Variants in KCND2 observed in about 807,000 individuals in gnomAD.
The protein encoded by KCND2 is A-type voltage-gated potassium channel KCND2.
Under a neutral mutation model 54.4 loss-of-function variants are expected in KCND2, and 16 were observed. The ratio of observed to expected loss-of-function variants is 0.29; its 90% CI spans 0.20 to 0.45. The LOEUF is 0.45. KCND2 is among the 20% of genes least tolerant of loss of function. The pLI is 1.00. For synonymous variants in KCND2, 317 were observed against 310.7 expected (o/e 1.02, Z -0.21); for missense variants, 486 against 824.2 (o/e 0.59, Z 5.02).
intron 1 of KCND2, among the ~76,000 whole-genome samples, chr7:120,688,278 GTC>G (rs1419181018): frequency 6.6e-6 from 1 of 152,110 alleles, no homozygotes; most frequent in African/African-American, 2.4e-5. Flanking sequence ...AAGCCACACT[GTC>G]TCTGTCAAAA....
intron 1 of KCND2, among the ~76,000 whole-genome samples, chr7:120,652,072 CT>C (rs1383699096): frequency 2.0e-5 from 3 of 147,190 alleles, no homozygotes; most frequent in African/African-American, 7.7e-5. Flanking sequence ...CTATCTCTAT[CT>C]TTTTTTTTCC....
intron 1 of KCND2, among the ~76,000 whole-genome samples, chr7:120,678,344 TA>T (rs1380972957): frequency 0.052 from 681 of 13,208 alleles, 26 homozygotes; most frequent in Admixed American, 0.36. Context: ...TATGATTATT[TA>T]TATATATATA....
intron 1 of KCND2, among the ~76,000 whole-genome samples, chr7:120,377,866 T>G (rs1180755274): frequency 5.3e-5 from 8 of 151,954 alleles, no homozygotes; most frequent in African/African-American, 1.9e-4. Flanking sequence ...TACATTGTCC[T>G]CAGCAATGCC....
At chr7:120,458,783 A>G (rs1183617858) in intron 1 of KCND2, among the ~76,000 whole-genome samples, 1 of 151,894 alleles carries the variant, frequency 6.6e-6, no homozygotes, top group Non-Finnish European at 1.5e-5. Context: ...CATATATCAT[A>G]TCTAATCCCC....
intron 1 of KCND2, among the ~76,000 whole-genome samples, chr7:120,504,045 AG>A (rs1802977865): frequency 2.0e-5 from 3 of 151,998 alleles, no homozygotes; most frequent in Admixed American, 2.0e-4. Context: ...AAATAATGAA[AG>A]AGATTTGTTA....
intron 1 of KCND2, among the ~76,000 whole-genome samples, chr7:120,359,145 T>C (rs969280143): frequency 4.6e-5 from 7 of 152,198 alleles, no homozygotes; most frequent in African/African-American, 7.2e-5. Flanking sequence ...TGTTCAGTGC[T>C]TCATATAAGG....
At chr7:120,353,377 T>G (rs1051969624) in intron 1 of KCND2, among the ~76,000 whole-genome samples, 2 of 152,074 alleles carry the variant, frequency 1.3e-5, no homozygotes, top group African/African-American at 4.8e-5. Context: ...GGAAGTTTGT[T>G]TATGCCGCAG....
chr7:120,280,293 GC>G (rs1297398184), intron 1 of KCND2, among the ~76,000 whole-genome samples: 2 of 152,022 alleles, frequency 1.3e-5, no homozygotes, highest in East Asian at 3.9e-4. Flanking sequence ...TTTTGTTTTA[GC>G]CATCACTTGA....
intron 1 of KCND2, among the ~76,000 whole-genome samples, chr7:120,451,960 C>A (rs1403501550): frequency 6.6e-6 from 1 of 152,186 alleles, no homozygotes; most frequent in Non-Finnish European, 1.5e-5. Context: ...TTTAGATAGT[C>A]TATAAGGCTA....
intron 1 of KCND2, among the ~76,000 whole-genome samples, chr7:120,475,254 A>T (rs1359336568): frequency 6.6e-6 from 1 of 152,240 alleles, no homozygotes; most frequent in Non-Finnish European, 1.5e-5. Flanking sequence ...AACGTTGAAC[A>T]TAAGCACATA....
intron 1 of KCND2, among the ~76,000 whole-genome samples, chr7:120,702,830 G>A (rs780854705): frequency 2.6e-5 from 4 of 152,002 alleles, no homozygotes; most frequent in Admixed American, 6.6e-5. Context: ...TAACTAATAG[G>A]TACTAGGCAT....
At chr7:120,467,748 C>T (rs1341900201) in intron 1 of KCND2, among the ~76,000 whole-genome samples, 1 of 152,042 alleles carries the variant, frequency 6.6e-6, no homozygotes, top group Non-Finnish European at 1.5e-5. Flanking sequence ...TCATAATAAG[C>T]TATACACAAC....
chr7:120,344,271 T>C (rs547337388), intron 1 of KCND2, among the ~76,000 whole-genome samples: 125 of 152,280 alleles, frequency 8.2e-4, no homozygotes, highest in African/African-American at 2.9e-3. Context: ...GGGAATAGAC[T>C]GTACCGCCTA....
chr7:120,606,676 A>G (rs531413366), intron 1 of KCND2, among the ~76,000 whole-genome samples: 1 of 152,154 alleles, frequency 6.6e-6, no homozygotes, highest in Non-Finnish European at 1.5e-5. Context: ...ACTGACTATA[A>G]ATGTGAGGGC....
intron 1 of KCND2, among the ~76,000 whole-genome samples, chr7:120,381,640 T>C (rs1369340821): frequency 6.6e-6 from 1 of 152,042 alleles, no homozygotes; most frequent in East Asian, 1.9e-4. Context: ...CAGTTATACC[T>C]GGGGAAGATT....
chr7:120,569,357 T>C (rs1345607360), intron 1 of KCND2, among the ~76,000 whole-genome samples: 2 of 152,180 alleles, frequency 1.3e-5, no homozygotes, highest in African/African-American at 4.8e-5. Flanking sequence ...GAAAATTATC[T>C]AATTATTTCC....
At chr7:120,386,265 C>A (rs1393245358) in intron 1 of KCND2, among the ~76,000 whole-genome samples, 1 of 151,972 alleles carries the variant, frequency 6.6e-6, no homozygotes, top group East Asian at 1.9e-4. Flanking sequence ...TATTTTTCTC[C>A]CACACCATTT....
chr7:120,302,615 T>C (rs752734619), intron 1 of KCND2, among the ~76,000 whole-genome samples: 2 of 152,190 alleles, frequency 1.3e-5, no homozygotes, highest in African/African-American at 2.4e-5. Flanking sequence ...AAAGGGTGTC[T>C]GAACGATGTT....
rs1320739926 is a variant in KCND2 at position 120,746,048 on chromosome 7, T to C, written c.1715+21T>C. The C allele has an allele frequency of 2.5e-6, 4 of 1,610,766 alleles. No homozygotes were observed. In the Admixed American group the frequency reaches 6.7e-5, roughly 27 times the overall value. On this transcript the variant is annotated intron_variant, in intron 5 of 5. Coordinates refer to ENST00000331113, the MANE Select transcript of KCND2 (RefSeq NM_012281.3). The stretch of plus-strand genomic sequence containing the variant: ...AACAGGTACCTGAGATTAATCTGTG[T>C]TGTCTACACACCTGTGCTGGTTCCC...
Sources: allele counts gnomAD v4.1 joint callset (sites outside exome capture counted in the v4.1 genomes callset), GRCh38; gene constraint gnomAD v4.1.1; transcripts MANE v1.5; gene names NCBI Gene and HGNC (gene_info 2026-07-23, HGNC 2026-07-21).